Variants in KYNU observed in about 807,000 individuals in gnomAD.
KYNU encodes the protein kynureninase, also known as L-kynurenine hydrolase.
KYNU carries 54 observed loss-of-function variants against 59.2 expected under a neutral mutation model. The ratio of observed to expected loss-of-function variants is 0.91; its 90% CI spans 0.73 to 1.14. KYNU has a LOEUF of 1.14. Among genes scored for constraint, KYNU ranks in the 50% most tolerant of loss-of-function variants. The pLI, the probability that KYNU is intolerant of heterozygous loss-of-function variation, is 0.00. For missense variants in KYNU, 567 were observed against 554.4 expected (o/e 1.02, Z -0.23); for synonymous variants, 177 against 192.0 (o/e 0.92, Z 0.65).
chr2:143,034,708 AATG>A (rs1319491491), intron 12 of KYNU, among the ~76,000 whole-genome samples: 1 of 152,240 alleles, frequency 6.6e-6, no homozygotes, highest in Non-Finnish European at 1.5e-5. Flanking sequence ...TAAATCAGAT[AATG>A]ATATTTGAGT....
rs1277910709 is a variant in KYNU at position 143,054,183 on chromosome 2, A to G, written c.*12011A>G. ...TAATTTTTATAAATTTTCTTTTTAA[A>G]TTTTAGATTCTACAATATCTCCAAT... On this transcript the variant is annotated 3_prime_UTR_variant, in exon 14 of 14. Coordinates refer to ENST00000264170, the MANE Select transcript of KYNU (RefSeq NM_003937.3). 2.0e-5 allele frequency: 3 copies of G among 152,060 alleles called. No homozygotes were observed. Among genetic ancestry groups the G allele is most frequent in the African/African-American group, 4.8e-5 (2 of 41,420 alleles). The allele number at this position is 152,060 out of a possible 1,614,324, so 9.4% of individuals were successfully genotyped here.
At chr2:143,039,688 A>G (rs1488787855) in intron 12 of KYNU, among the ~76,000 whole-genome samples, 1 of 152,070 alleles carries the variant, frequency 6.6e-6, no homozygotes, top group Non-Finnish European at 1.5e-5. Context: ...AAAGTTTTAC[A>G]GGTGTAAGTG....
Position 142,925,139 on chromosome 2 carries a change from C to T in KYNU, c.291-2520C>T, listed in dbSNP as rs141524804. Among the ~76,000 whole-genome samples, 18 of 152,278 alleles carry T rather than the reference C, an allele frequency of 1.2e-4. 1 individual carries two copies. Among genetic ancestry groups the T allele is most frequent in the African/African-American group, 4.3e-4 (18 of 41,552 alleles). ...AATGTAATAAGATGTATTGTGCTAT[C>T]AGCAAAGGCCATGGAGCTCTATGTG... On this transcript the variant is annotated intron_variant, in intron 3 of 13. Transcript: ENST00000264170.
chr2:142,901,899 C>T (rs921761848), intron 2 of KYNU, among the ~76,000 whole-genome samples: 9 of 152,112 alleles, frequency 5.9e-5, no homozygotes, highest in Non-Finnish European at 1.3e-4. Context: ...TAGAAGGTCC[C>T]TCGAGTGGTA....
At chr2:142,910,131 C>CTTTTTTTTTTTT (rs368644903) in intron 2 of KYNU, among the ~76,000 whole-genome samples, 23 of 105,478 alleles carry the variant, frequency 2.2e-4, no homozygotes, top group Admixed American at 3.8e-4. Flanking sequence ...TGTTCTTTGC[C>CTTTTTTTTTTTT]TTTTTTTTTT....
intron 11 of KYNU, among the ~76,000 whole-genome samples, chr2:143,030,012 A>C (rs1486809503): frequency 6.6e-6 from 1 of 152,266 alleles, no homozygotes; most frequent in African/African-American, 2.4e-5. Context: ...AGTCAGATCC[A>C]GAAAGACCTG....
In KYNU at chr2:142,988,799, C is replaced by T. The variant is rs369756401; in HGVS notation, c.902+2778C>T. 6 of 1,355,118 alleles carry T rather than the reference C, an allele frequency of 4.4e-6. No individual in the cohort carries two copies. In the Middle Eastern group the frequency reaches 5.4e-4, roughly 123 times the overall value. The allele number at this position is 1,355,118 out of a possible 1,614,324, so 83.9% of individuals were successfully genotyped here. A position where few individuals can be genotyped will look rare whatever the true frequency, so the allele number is the denominator to read the frequency against. The stretch of plus-strand genomic sequence containing the variant: ...GTGCTGTCAACTTCTAGCCTTGGCT[C>T]TCTATTCTGTACCAAGTATCTTATA... On this transcript the variant is annotated intron_variant, in intron 10 of 13. Coordinates refer to ENST00000264170, the MANE Select transcript of KYNU (RefSeq NM_003937.3).
chr2:142,975,953 C>T (rs569165134), intron 8 of KYNU, among the ~76,000 whole-genome samples: 5 of 152,184 alleles, frequency 3.3e-5, no homozygotes, highest in Admixed American at 6.5e-5. Context: ...CAGAACACTC[C>T]CTTATTGGAT....
intron 8 of KYNU, among the ~76,000 whole-genome samples, chr2:142,970,237 GATAATCTATCTT>G (rs1230971814): frequency 2.0e-5 from 3 of 152,132 alleles, no homozygotes; most frequent in Non-Finnish European, 4.4e-5. Flanking sequence ...TTTCGCAGCA[GATAATCTATCTT>G]ATGGAGGAGG....
chr2:142,973,102 A>C (rs894630835), intron 8 of KYNU, among the ~76,000 whole-genome samples: 1 of 150,478 alleles, frequency 6.6e-6, no homozygotes, highest in African/African-American at 2.4e-5. Context: ...TATACACATT[A>C]TATATATTTT....
intron 2 of KYNU, among the ~76,000 whole-genome samples, chr2:142,898,181 A>T (rs1681945582): frequency 6.6e-6 from 1 of 152,194 alleles, no homozygotes; most frequent in African/African-American, 2.4e-5. Context: ...CACACAGCTG[A>T]ATTCTTTTCA....
Position 143,048,505 on chromosome 2 carries a change from G to A in KYNU, c.*6333G>A, listed in dbSNP as rs189761764. 184 of 151,242 alleles carry A rather than the reference G, an allele frequency of 1.2e-3. No homozygotes were observed. Among genetic ancestry groups the A allele is most frequent in the African/African-American group, 4.2e-3 (174 of 41,156 alleles). 9.4% of individuals were successfully genotyped at this position (151,242 alleles called of 1,614,324 possible). The stretch of plus-strand genomic sequence containing the variant: ...GTCTCTCTCTCTCTCACTAATGTTT[G>A]CTATTTCTCCCTACAATTCAGAATT... On this transcript the variant is annotated 3_prime_UTR_variant, in exon 14 of 14. Coordinates refer to ENST00000264170, the MANE Select transcript of KYNU (RefSeq NM_003937.3).
At chr2:142,952,287 G>C (rs1206234338) in intron 4 of KYNU, among the ~76,000 whole-genome samples, 2 of 152,006 alleles carry the variant, frequency 1.3e-5, no homozygotes, top group Non-Finnish European at 2.9e-5. Context: ...TGTTGCCCAG[G>C]CTGGTCTTGA....
At chr2:142,984,220 G>T (rs1273299127) in intron 8 of KYNU, among the ~76,000 whole-genome samples, 1 of 151,964 alleles carries the variant, frequency 6.6e-6, no homozygotes, top group Non-Finnish European at 1.5e-5. Context: ...ATTGAATTAT[G>T]TGTATTTTCC....
At chr2:142,948,453 A>G (rs1361272693) in intron 4 of KYNU, among the ~76,000 whole-genome samples, 3 of 152,232 alleles carry the variant, frequency 2.0e-5, no homozygotes, top group Non-Finnish European at 2.9e-5. Context: ...AGACTGGGCA[A>G]TTTACAAAGG....
chr2:142,881,028 C>T lies in KYNU; in HGVS notation c.-20+3292C>T, dbSNP rs141003313. 1.7e-3 allele frequency among the ~76,000 whole-genome samples: 258 copies of T among 152,298 alleles called. 2 individuals carry two copies. The highest frequency in any genetic ancestry group is 5.7e-3 in the African/African-American group (239 of 41,576). On this transcript the variant is annotated intron_variant, in intron 1 of 13. Coordinates refer to ENST00000264170, the MANE Select transcript of KYNU (RefSeq NM_003937.3). ...TTATTGGTGTTCAGAGGAAGACGGGCTACTTTTGCCTGAGACATCCTAACA... is the reference window on the plus strand; with the variant it reads ...TTATTGGTGTTCAGAGGAAGACGGGTTACTTTTGCCTGAGACATCCTAACA...
In KYNU at chr2:143,047,400, AC is replaced by A. The variant is rs1306167331; in HGVS notation, c.*5229del. ...CATGTGTTATCTTTTATAAAATTTA[AC>A]ATTTAACTGATAATTGATACTGTAT... is the stretch of plus-strand genomic sequence containing the variant. On this transcript the variant is annotated 3_prime_UTR_variant, in exon 14 of 14. Transcript: ENST00000264170. 2 of 152,152 alleles carry A rather than the reference AC, an allele frequency of 1.3e-5. No individual in the cohort carries two copies. The highest frequency in any genetic ancestry group is 2.9e-5 in the Non-Finnish European group (2 of 68,022). 9.4% of individuals were successfully genotyped at this position (152,152 alleles called of 1,614,324 possible).
chr2:143,028,285 A>ACCCAGGTT (rs1159525238), intron 10 of KYNU, among the ~76,000 whole-genome samples: 1 of 114,472 alleles, frequency 8.7e-6, no homozygotes, highest in Non-Finnish European at 1.6e-5. Flanking sequence ...TCACTCTGTC[A>ACCCAGGTT]CCCAGGTTGG....
intron 4 of KYNU, among the ~76,000 whole-genome samples, chr2:142,930,393 A>G (rs1683171490): frequency 6.6e-6 from 1 of 152,230 alleles, no homozygotes; most frequent in South Asian, 2.1e-4. Context: ...AGATGACTAG[A>G]GGATTAATTT....
Sources: gnomAD v4.1 joint callset for allele counts (sites outside exome capture counted in the v4.1 genomes callset) on GRCh38, gnomAD v4.1.1 for gene constraint, MANE v1.5 for transcripts, NCBI Gene and HGNC (gene_info 2026-07-23, HGNC 2026-07-21) for gene names.